Variants in PADI1 observed in about 807,000 individuals in gnomAD.
PADI1 encodes protein-arginine deiminase type-1.
A neutral mutation model predicts 74.8 loss-of-function variants in PADI1; 65 were observed. That is an observed-to-expected ratio of 0.87 (90% CI 0.71 to 1.07). The LOEUF (loss-of-function observed/expected upper bound fraction) is 1.07, where lower values mean the gene tolerates loss of function less well. Among genes scored for constraint, PADI1 ranks in the 50% least tolerant of loss-of-function variants. The pLI is 0.00. For synonymous variants in PADI1, 371 were observed against 336.2 expected (o/e 1.10, Z -1.13); for missense variants, 943 against 854.0 (o/e 1.10, Z -1.30).
In PADI1 at chr1:17,230,663, C is replaced by A. The variant is rs1426450716; in HGVS notation, c.1145C>A (p.Pro382His). 6.2e-7 allele frequency: 1 copy of A among 1,605,184 alleles called. No individual in the cohort carries two copies. The highest frequency in any genetic ancestry group is 1.1e-5 in the South Asian group (1 of 90,232). Residue 382 changes from proline to histidine, a missense_variant, in exon 10 of 16, where the codon CCC becomes CAC. Coordinates refer to ENST00000375471, the MANE Select transcript of PADI1 (RefSeq NM_013358.3). Reference protein sequence around the residue: ...SPRNRGLKDFPYKRILGPDFG... With the variant: ...SPRNRGLKDFHYKRILGPDFG... ...AGGAACAGGGGCCTGAAAGATTTCC[C>A]CTATAAGAGGATCCTGGTACGTAGC...
At chr1:17,223,818 G>A in intron 3 of PADI1, 125 bp downstream of exon 3, 1 of 747,082 alleles carries the variant, frequency 1.3e-6, no homozygotes, top group East Asian at 2.7e-5. Context: ...TGAGGGGCTT[G>A]GATTCCTCGG....
chr1:17,216,212 G>A (rs1030353666), intron 1 of PADI1, among the ~76,000 whole-genome samples: 9 of 152,134 alleles, frequency 5.9e-5, no homozygotes, highest in African/African-American at 1.7e-4. Flanking sequence ...GGGATGCAAC[G>A]GGACTTCTAT....
chr1:17,212,079 C>G (rs2071846279), intron 1 of PADI1, among the ~76,000 whole-genome samples: 1 of 152,202 alleles, frequency 6.6e-6, no homozygotes, highest in Admixed American at 6.5e-5. Flanking sequence ...AAGCTGCTGG[C>G]CTTTAGCTGG....
intron 1 of PADI1, among the ~76,000 whole-genome samples, chr1:17,206,114 A>G (rs2071675900): frequency 6.6e-6 from 1 of 152,156 alleles, no homozygotes; most frequent in Admixed American, 6.5e-5. Context: ...GAGGCTGTCT[A>G]TGGATTCCAT....
chr1:17,205,282 G>A lies in PADI1; in HGVS notation c.65G>A (p.Gly22Glu), dbSNP rs907434126. The change falls in exon 1 of 16, where the codon GGA (glycine) becomes GAA (glutamate). Residue 22 changes from glycine to glutamate, a missense_variant. Coordinates refer to ENST00000375471, the MANE Select transcript of PADI1 (RefSeq NM_013358.3). The part of the protein sequence containing the change: ...KMPTHAVCVV[G>E]VEAHVDIHSD... ...CCTACCCATGCCGTGTGTGTGGTGGGAGTCGAGGCACATGTGGACATTCAC... is the reference window on the plus strand; with the variant it reads ...CCTACCCATGCCGTGTGTGTGGTGGAAGTCGAGGCACATGTGGACATTCAC... 10 of 1,614,040 alleles carry A rather than the reference G, an allele frequency of 6.2e-6. No individual in the cohort carries two copies. The highest frequency in any genetic ancestry group is 8.5e-6 in the Non-Finnish European group (10 of 1,179,960).
In PADI1 at chr1:17,244,975, C is replaced by T. The variant is rs1054657142; in HGVS notation, c.*732C>T. 4 of 172,140 alleles carry T rather than the reference C, an allele frequency of 2.3e-5. No homozygotes were observed. The highest frequency in any genetic ancestry group is 1.4e-4 in the South Asian group (1 of 6,902). 10.7% of individuals were successfully genotyped at this position (172,140 alleles called of 1,614,324 possible). The stretch of plus-strand genomic sequence containing the variant: ...CAGCTCAGAAATGCTGAGAAGCCAA[C>T]GTGAGGCCTGAGGACACACAAAGGA... On this transcript the variant is annotated 3_prime_UTR_variant, in exon 16 of 16. Coordinates refer to ENST00000375471, the MANE Select transcript of PADI1 (RefSeq NM_013358.3).
chr1:17,231,205 C>T (rs367679155), intron 10 of PADI1, among the ~76,000 whole-genome samples: 93 of 152,318 alleles, frequency 6.1e-4, no homozygotes, highest in Non-Finnish European at 9.8e-4. Context: ...CATGGCTTAC[C>T]TTATGTATTC....
intron 4 of PADI1, 73 bp from the exon 5 acceptor site, chr1:17,225,738 C>T: frequency 1.0e-6 from 1 of 987,924 alleles, no homozygotes; most frequent in Non-Finnish European, 1.6e-6. Context: ...GCAGCCCGCC[C>T]TGGCCATGTC....
chr1:17,207,315 T>C (rs540152263), intron 1 of PADI1, among the ~76,000 whole-genome samples: 1 of 152,320 alleles, frequency 6.6e-6, no homozygotes, highest in Admixed American at 6.5e-5. Flanking sequence ...TGCAGTTCAC[T>C]GTGGAGGTGA....
chr1:17,224,097 A>G (rs1409154349), intron 3 of PADI1, among the ~76,000 whole-genome samples: 1 of 152,226 alleles, frequency 6.6e-6, no homozygotes, highest in Admixed American at 6.5e-5. Context: ...GGTCACCAGC[A>G]TATGATTTGG....
chr1:17,228,586 C>T, intron 6 of PADI1, 39 bp from the exon 7 acceptor site: 1 of 1,609,374 alleles, frequency 6.2e-7, no homozygotes, highest in Middle Eastern at 1.8e-4. Context: ...GCCCCTCACC[C>T]CTGTCTCCTC....
At chr1:17,222,958 A>ATGGCATACAGTGATCC (rs2072200732) in intron 2 of PADI1, among the ~76,000 whole-genome samples, 1 of 151,904 alleles carries the variant, frequency 6.6e-6, no homozygotes, top group African/African-American at 2.4e-5. Context: ...AGCCCCCAGC[A>ATGGCATACAGTGATCC]CCCAAATCCT....
intron 1 of PADI1, among the ~76,000 whole-genome samples, chr1:17,207,012 A>G (rs942917890): frequency 1.3e-5 from 2 of 152,064 alleles, no homozygotes; most frequent in Non-Finnish European, 2.9e-5. Flanking sequence ...GGCATCCCAC[A>G]TTGTATCTGG....
In PADI1 at chr1:17,244,454, T is replaced by A. The variant is rs1307586382; in HGVS notation, c.*211T>A. On this transcript the variant is annotated 3_prime_UTR_variant, in exon 16 of 16. Transcript: ENST00000375471. ...CCAACCCGAGAAGAATGCACCTCAT[T>A]CTTCCCTGGCCTCTTTCCCACCCAC... 1 of 660,412 alleles carries A rather than the reference T, an allele frequency of 1.5e-6. No individual in the cohort carries two copies. The highest frequency in any genetic ancestry group is 2.1e-5 in the Admixed American group (1 of 48,420). The allele number at this position is 660,412 out of a possible 1,614,324, so 40.9% of individuals were successfully genotyped here.
At chr1:17,223,502 G>T in intron 2 of PADI1, 119 bp from the exon 3 acceptor site, 4 of 768,454 alleles carry the variant, frequency 5.2e-6, no homozygotes, top group Non-Finnish European at 6.7e-6. Context: ...TCAGAGACTG[G>T]GGGGGTCTCC....
chr1:17,230,583 G>C lies in PADI1; in HGVS notation c.1065G>C (p.Glu355Asp). 1 of 1,609,718 alleles carries C rather than the reference G, an allele frequency of 6.2e-7. No homozygotes were observed. Among genetic ancestry groups the C allele is most frequent in the Non-Finnish European group, 8.5e-7 (1 of 1,177,794 alleles). ...CTCTCCCCTCCCAGGACGAGATGGA[G>C]TTTGGCTACATCGAGGCCCCTCACA... Reference protein sequence around the residue: ...RNDRWIQDEMEFGYIEAPHKS... With the variant: ...RNDRWIQDEMDFGYIEAPHKS... Residue 355 changes from glutamate (E) to aspartate (D), a missense_variant, in exon 10 of 16, where the codon GAG (glutamate) becomes GAC (aspartate). Transcript: ENST00000375471.
chr1:17,225,272 T>C (rs2072275455), intron 4 of PADI1, among the ~76,000 whole-genome samples: 1 of 152,052 alleles, frequency 6.6e-6, no homozygotes, highest in South Asian at 2.1e-4. Context: ...TGGGGAGGTG[T>C]GTTGGGGACA....
chr1:17,239,855 G>T, intron 14 of PADI1, 72 bp downstream of exon 14: 1 of 1,284,540 alleles, frequency 7.8e-7, no homozygotes, highest in Admixed American at 1.9e-5. Flanking sequence ...CAGGAACTGG[G>T]TTGGGTCAGA....
At chr1:17,226,276 A>C (rs1273819631) in intron 6 of PADI1, 118 bp downstream of exon 6, 12 of 1,117,084 alleles carry the variant, frequency 1.1e-5, no homozygotes, top group Middle Eastern at 5.4e-4. Flanking sequence ...GCTTACAAAC[A>C]ACCACTCCAT....
Sources: gnomAD v4.1 joint callset for allele counts (sites outside exome capture counted in the v4.1 genomes callset) on GRCh38, gnomAD v4.1.1 for gene constraint, MANE v1.5 for transcripts, NCBI Gene and HGNC (gene_info 2026-07-23, HGNC 2026-07-21) for gene names.